Variants in ZFYVE1 observed in about 807,000 individuals in gnomAD.
ZFYVE1 encodes the protein zinc finger FYVE domain-containing protein 1.
ZFYVE1 carries 30 observed loss-of-function variants against 74.4 expected under a neutral mutation model. The ratio of observed to expected loss-of-function variants is 0.40; its 90% CI spans 0.30 to 0.55. The LOEUF (loss-of-function observed/expected upper bound fraction) is 0.55. Ranked by LOEUF, ZFYVE1 falls within the 20% of genes least tolerant of loss-of-function variation. The probability of loss-of-function intolerance (pLI) is 0.42; values close to 1 mark genes in which losing one functional copy is unlikely to be tolerated. For missense variants in ZFYVE1, 703 were observed against 1,011.6 expected (o/e 0.69, Z 4.14); for synonymous variants, 335 against 385.1 (o/e 0.87, Z 1.52).
chr14:72,997,351 T>C (rs1893771876), intron 3 of ZFYVE1, among the ~76,000 whole-genome samples: 1 of 152,058 alleles, frequency 6.6e-6, no homozygotes, highest in African/African-American at 2.4e-5. Context: ...TTGAATAAAG[T>C]AATTCTTCTC....
Position 72,997,732 on chromosome 14 carries a change from C to T in ZFYVE1, c.988+79G>A, listed in dbSNP as rs1032707301. The T allele has an allele frequency of 1.9e-5, 29 of 1,495,962 alleles. No individual in the cohort carries two copies. In the Admixed American group the frequency reaches 6.3e-4, roughly 33 times the overall value. The allele number at this position is 1,495,962 out of a possible 1,614,324, so 92.7% of individuals were successfully genotyped here. A position where few individuals can be genotyped will look rare whatever the true frequency, so the allele number is the denominator to read the frequency against. The stretch of plus-strand genomic sequence containing the variant: ...ATCTTTCTGGGCAATCCACTACCAA[C>T]AAGTTGCTATTGCAGACCAAATAGC... On this transcript the variant is annotated intron_variant, in intron 3 of 11. Transcript: ENST00000556143.
chr14:72,998,447 G>T, intron 2 of ZFYVE1, 132 bp from the exon 3 acceptor site: 1 of 820,722 alleles, frequency 1.2e-6, no homozygotes, highest in Non-Finnish European at 1.8e-6. Flanking sequence ...CAGGATAATA[G>T]CTCCCCACCT....
At chr14:73,001,322 T>C (rs1319968112) in intron 2 of ZFYVE1, among the ~76,000 whole-genome samples, 1 of 152,216 alleles carries the variant, frequency 6.6e-6, no homozygotes, top group Non-Finnish European at 1.5e-5. Flanking sequence ...ATTAGCTTTT[T>C]AGTGGAGAAA....
intron 2 of ZFYVE1, among the ~76,000 whole-genome samples, chr14:72,998,941 T>C (rs1893811510): frequency 6.6e-6 from 1 of 151,352 alleles, no homozygotes; most frequent in African/African-American, 2.4e-5. Context: ...CTGTCTCTGC[T>C]AAAAATTTTA....
intron 2 of ZFYVE1, among the ~76,000 whole-genome samples, chr14:73,021,354 A>AAAATAAATAAAT (rs71109783): frequency 5.8e-4 from 86 of 147,630 alleles, no homozygotes; most frequent in African/African-American, 9.5e-4. Flanking sequence ...TCTCAAAATA[A>AAAATAAATAAAT]AAATAAATAA....
At chr14:72,984,398 G>A (rs988977827) in intron 4 of ZFYVE1, among the ~76,000 whole-genome samples, 6 of 151,858 alleles carry the variant, frequency 4.0e-5, no homozygotes, top group East Asian at 3.9e-4. Flanking sequence ...GCGTGGTGGC[G>A]GGCGCCTGTA....
intron 4 of ZFYVE1, among the ~76,000 whole-genome samples, chr14:72,990,067 T>G: frequency 6.6e-6 from 1 of 152,250 alleles, no homozygotes; most frequent in East Asian, 1.9e-4. Flanking sequence ...AAAACTCTAC[T>G]TGGTCAATTT....
chr14:72,992,626 C>CCCCG lies in ZFYVE1; in HGVS notation c.1203+516_1203+517insCGGG, dbSNP rs777800671. Among the ~76,000 whole-genome samples the CCCCG allele has an allele frequency of 5.5e-3, 599 of 108,758 alleles. 29 individuals are homozygous for CCCCG. Among genetic ancestry groups the CCCCG allele is most frequent in the South Asian group, 0.044 (115 of 2,620 alleles). The allele number at this position is 108,758 out of a possible 152,430, so 71.3% of individuals were successfully genotyped here. Reference sequence around the variant, plus strand: ...GGTCCCATTCAGGTGCCCCCCCCGCCCCTTGCAAGAGAGAGAGAGCTGTTC... The same window carrying CCCCG: ...GGTCCCATTCAGGTGCCCCCCCCGCCCCCGCCTTGCAAGAGAGAGAGAGCTGTTC... On this transcript the variant is annotated intron_variant, in intron 4 of 11. Transcript: ENST00000556143.
At chr14:72,992,538 T>C (rs1893637131) in intron 4 of ZFYVE1, among the ~76,000 whole-genome samples, 1 of 151,834 alleles carries the variant, frequency 6.6e-6, no homozygotes, top group Admixed American at 6.6e-5. Flanking sequence ...ATATAACAAA[T>C]AGTAGTGTTA....
At chr14:72,988,581 C>T (rs1418734737) in intron 4 of ZFYVE1, among the ~76,000 whole-genome samples, 1 of 151,190 alleles carries the variant, frequency 6.6e-6, no homozygotes, top group Non-Finnish European at 1.5e-5. Flanking sequence ...CGGAGGTGGG[C>T]GGGTCACCTG....
chr14:72,981,097 T>C (rs922608755), intron 5 of ZFYVE1, among the ~76,000 whole-genome samples: 2 of 152,184 alleles, frequency 1.3e-5, no homozygotes, highest in African/African-American at 2.4e-5. Flanking sequence ...TGATTCCGAA[T>C]CTGCATTCTA....
chr14:72,976,349 T>C (rs1893169519), intron 8 of ZFYVE1, among the ~76,000 whole-genome samples: 2 of 152,144 alleles, frequency 1.3e-5, no homozygotes, highest in Non-Finnish European at 2.9e-5. Flanking sequence ...CTTACCACCT[T>C]TACTTTCTCG....
chr14:72,996,792 A>C (rs1360770361), intron 3 of ZFYVE1, among the ~76,000 whole-genome samples: 1 of 152,180 alleles, frequency 6.6e-6, no homozygotes, highest in Non-Finnish European at 1.5e-5. Context: ...CTAGACTGTG[A>C]GCTCTTCAAA....
intron 5 of ZFYVE1, among the ~76,000 whole-genome samples, chr14:72,980,510 A>T (rs1893292018): frequency 6.6e-6 from 1 of 152,134 alleles, no homozygotes; most frequent in African/African-American, 2.4e-5. Context: ...GTCCCCATGA[A>T]CATCAGCATC....
intron 1 of ZFYVE1, among the ~76,000 whole-genome samples, chr14:73,025,405 T>C (rs1053143854): frequency 2.0e-5 from 3 of 151,938 alleles, no homozygotes; most frequent in African/African-American, 7.2e-5. Context: ...TTACACTGGC[T>C]TGTTGTATAG....
intron 2 of ZFYVE1, among the ~76,000 whole-genome samples, chr14:73,013,717 C>A (rs970041962): frequency 1.3e-5 from 2 of 152,206 alleles, no homozygotes; most frequent in East Asian, 3.8e-4. Flanking sequence ...ATACGTCTTT[C>A]CAACTCCCCT....
chr14:73,024,355 G>C lies in ZFYVE1; in HGVS notation c.154C>G (p.Gln52Glu). 1 of 1,614,136 alleles carries C rather than the reference G, an allele frequency of 6.2e-7. No individual in the cohort carries two copies. Among genetic ancestry groups the C allele is most frequent in the Non-Finnish European group, 8.5e-7 (1 of 1,180,028 alleles). The change falls in exon 2 of 12, where the codon CAG becomes GAG. Residue 52 changes from glutamine (Q) to glutamate (E), a missense_variant. Physicochemically the swap from Gln to Glu is conservative, Grantham distance 29. Transcript: ENST00000556143. ...CGCTCATGGTTTCTCAGGCGCTCCTGCCGATGGAGCTCCTCCTCGCAGCGG... is the reference window on the plus strand; with the variant it reads ...CGCTCATGGTTTCTCAGGCGCTCCTCCCGATGGAGCTCCTCCTCGCAGCGG... ...CLRCEEELHR[Q>E]ERLRNHERIR...
chr14:73,004,931 G>GT (rs1893945903), intron 2 of ZFYVE1, among the ~76,000 whole-genome samples: 1 of 149,006 alleles, frequency 6.7e-6, no homozygotes, highest in South Asian at 2.1e-4. Context: ...CCTGGGGAGA[G>GT]TTTGCAGTGA....
chr14:72,980,658 C>T (rs1258767554), intron 5 of ZFYVE1, among the ~76,000 whole-genome samples: 1 of 152,050 alleles, frequency 6.6e-6, no homozygotes, highest in South Asian at 2.1e-4. Flanking sequence ...GGCTCCGCCT[C>T]CCGGGTTCAC....
Sources: gnomAD v4.1 joint callset for allele counts (sites outside exome capture counted in the v4.1 genomes callset) on GRCh38, gnomAD v4.1.1 for gene constraint, MANE v1.5 for transcripts, NCBI Gene and HGNC (gene_info 2026-07-23, HGNC 2026-07-21) for gene names.